LRP1B: variants seen among roughly 807,000 people sequenced by gnomAD.
LRP1B encodes the protein LDL receptor related protein 1B, also known as low-density lipoprotein receptor-related protein 1B.
In LRP1B, 217 loss-of-function variants were observed where a neutral mutation model predicts 556.6. That is an observed-to-expected ratio of 0.39 (90% CI 0.35 to 0.44). The LOEUF is 0.44. Ranked by LOEUF, LRP1B falls within the 20% of genes least tolerant of loss-of-function variation. The probability of loss-of-function intolerance (pLI) is 1.00; values close to 1 mark genes in which losing one functional copy is unlikely to be tolerated. For missense variants in LRP1B, 5,053 were observed against 5,620.8 expected, an observed-to-expected ratio of 0.90 and a Z score of 3.23; for synonymous variants, 2,047 against 1,865.8, an observed-to-expected ratio of 1.10 and a Z score of -2.50.
chr2:140,326,920 T>C (rs1345870190), intron 79 of LRP1B, among the ~76,000 whole-genome samples: 3 of 152,148 alleles, frequency 2.0e-5, no homozygotes, highest in African/African-American at 7.2e-5. Context: ...ATCCATCCAG[T>C]ATATTTTTGT....
chr2:141,942,044 T>A (rs1470898265), intron 1 of LRP1B, among the ~76,000 whole-genome samples: 1 of 152,198 alleles, frequency 6.6e-6, no homozygotes, highest in Non-Finnish European at 1.5e-5. Context: ...ACTGGGTGCC[T>A]AGCACAATAC....
At chr2:140,713,332 T>TG (rs993700369) in intron 37 of LRP1B, among the ~76,000 whole-genome samples, 19 of 151,924 alleles carry the variant, frequency 1.3e-4, no homozygotes, top group African/African-American at 4.3e-4. Context: ...AGAATTTTTT[T>TG]TTTTTTCATT....
At chr2:141,413,959 A>G (rs948801804) in intron 3 of LRP1B, among the ~76,000 whole-genome samples, 3 of 151,752 alleles carry the variant, frequency 2.0e-5, no homozygotes, top group Admixed American at 6.6e-5. Context: ...GGCTGGGCGC[A>G]GTGGCTCACG....
intron 2 of LRP1B, among the ~76,000 whole-genome samples, chr2:141,705,825 C>T (rs1393433880): frequency 6.6e-6 from 1 of 151,846 alleles, no homozygotes; most frequent in Non-Finnish European, 1.5e-5. Context: ...TTTTAAATAT[C>T]CCTCATATTT....
chr2:141,892,798 A>T (rs898000803), intron 1 of LRP1B, among the ~76,000 whole-genome samples: 3 of 152,230 alleles, frequency 2.0e-5, no homozygotes, highest in Non-Finnish European at 2.9e-5. Context: ...GACGCTAAAA[A>T]GTTTAATAAA....
chr2:140,797,506 A>C (rs181105014), intron 32 of LRP1B, among the ~76,000 whole-genome samples: 1 of 152,090 alleles, frequency 6.6e-6, no homozygotes, highest in African/African-American at 2.4e-5. Flanking sequence ...ATTAAAATGC[A>C]TAATAATAGT....
intron 41 of LRP1B, among the ~76,000 whole-genome samples, chr2:140,626,370 T>C (rs1275450875): frequency 6.6e-6 from 1 of 152,156 alleles, no homozygotes; most frequent in African/African-American, 2.4e-5. Flanking sequence ...ATTATGGATT[T>C]TGGAGAATAA....
chr2:140,786,988 A>G (rs1348259952), intron 32 of LRP1B, among the ~76,000 whole-genome samples: 3 of 152,226 alleles, frequency 2.0e-5, no homozygotes, highest in Non-Finnish European at 2.9e-5. Flanking sequence ...AGTTCATTCA[A>G]TGAAAACTGA....
intron 3 of LRP1B, among the ~76,000 whole-genome samples, chr2:141,340,319 A>T (rs892280767): frequency 6.6e-6 from 1 of 152,208 alleles, no homozygotes; most frequent in Non-Finnish European, 1.5e-5. Context: ...GACTATATCA[A>T]TTCTTTTTCA....
chr2:141,190,246 G>T (rs911729705), intron 6 of LRP1B, among the ~76,000 whole-genome samples: 6 of 151,918 alleles, frequency 3.9e-5, no homozygotes, highest in African/African-American at 1.5e-4. Context: ...CGTATACTCT[G>T]TGGAACCCCA....
intron 44 of LRP1B, among the ~76,000 whole-genome samples, chr2:140,541,350 T>C (rs1230549702): frequency 6.6e-6 from 1 of 152,104 alleles, no homozygotes; most frequent in East Asian, 1.9e-4. Context: ...AGAAACCACA[T>C]TGATGCTTCA....
At chr2:141,825,519 G>A (rs1358243361) in intron 1 of LRP1B, among the ~76,000 whole-genome samples, 1 of 152,162 alleles carries the variant, frequency 6.6e-6, no homozygotes, top group African/African-American at 2.4e-5. Context: ...TCCTAGGCTG[G>A]TTACTTTTTT....
At chr2:140,269,849 T>G (rs986750026) in intron 86 of LRP1B, among the ~76,000 whole-genome samples, 7 of 151,824 alleles carry the variant, frequency 4.6e-5, no homozygotes, top group African/African-American at 1.7e-4. Flanking sequence ...CAACTAGCAT[T>G]ATACATATGA....
chr2:141,215,619 T>C (rs1682769121), intron 6 of LRP1B, among the ~76,000 whole-genome samples: 1 of 152,198 alleles, frequency 6.6e-6, no homozygotes, highest in East Asian at 1.9e-4. Context: ...CAGATTTAAA[T>C]GAACTTATTG....
intron 2 of LRP1B, among the ~76,000 whole-genome samples, chr2:141,562,004 T>C (rs2105248966): frequency 6.6e-6 from 1 of 151,998 alleles, no homozygotes; most frequent in South Asian, 2.1e-4. Context: ...GCAACAAGGG[T>C]TATACAGAAT....
At chr2:141,683,049 G>C (rs1157577220) in intron 2 of LRP1B, among the ~76,000 whole-genome samples, 1 of 152,092 alleles carries the variant, frequency 6.6e-6, no homozygotes, top group Non-Finnish European at 1.5e-5. Context: ...AAGCTGAAAA[G>C]GACGAGGTGA....
chr2:140,779,784 G>GTGTGTA, intron 32 of LRP1B, among the ~76,000 whole-genome samples: 1 of 149,488 alleles, frequency 6.7e-6, no homozygotes, highest in African/African-American at 2.5e-5. Flanking sequence ...GTGTGTGTGT[G>GTGTGTA]TAGCAGTGCA....
intron 2 of LRP1B, among the ~76,000 whole-genome samples, chr2:141,753,504 A>G (rs984437187): frequency 6.6e-6 from 1 of 151,630 alleles, no homozygotes; most frequent in Non-Finnish European, 1.5e-5. Context: ...GCCATTGCTT[A>G]TTAGGCCCAT....
intron 3 of LRP1B, among the ~76,000 whole-genome samples, chr2:141,290,272 G>C (rs1427008397): frequency 6.6e-6 from 1 of 152,120 alleles, no homozygotes; most frequent in Non-Finnish European, 1.5e-5. Flanking sequence ...GATTGTAATA[G>C]AAAGAATGAT....
Sources: allele counts gnomAD v4.1 joint callset (sites outside exome capture counted in the v4.1 genomes callset), GRCh38; gene constraint gnomAD v4.1.1; transcripts MANE v1.5; gene names NCBI Gene and HGNC (gene_info 2026-07-23, HGNC 2026-07-21).